NEGR1: variants seen among roughly 807,000 people sequenced by gnomAD.
NEGR1 encodes neuronal growth regulator 1, also known as IgLON family member 4.
A neutral mutation model predicts 40.9 loss-of-function variants in NEGR1; 10 were observed. That is an observed-to-expected ratio of 0.24 (90% CI 0.15 to 0.42). The LOEUF (loss-of-function observed/expected upper bound fraction) is 0.42. Ranked by LOEUF, NEGR1 falls within the 10% of genes least tolerant of loss-of-function variation. The probability of loss-of-function intolerance (pLI) is 1.00; values close to 1 mark genes in which losing one functional copy is unlikely to be tolerated. For missense variants in NEGR1, 352 were observed against 438.9 expected (o/e 0.80, Z 1.77); for synonymous variants, 185 against 166.8 (o/e 1.11, Z -0.84).
At chr1:71,781,508 G>A (rs1656714280) in intron 2 of NEGR1, among the ~76,000 whole-genome samples, 1 of 152,148 alleles carries the variant, frequency 6.6e-6, no homozygotes, top group African/African-American at 2.4e-5. Flanking sequence ...GTCCGTGAAA[G>A]ACCACAGTGC....
intron 1 of NEGR1, among the ~76,000 whole-genome samples, chr1:72,114,244 C>A (rs901426146): frequency 4.0e-5 from 6 of 151,322 alleles, no homozygotes; most frequent in Non-Finnish European, 5.9e-5. Flanking sequence ...TATGGTCAAC[C>A]TCATTCAATG....
intron 3 of NEGR1, among the ~76,000 whole-genome samples, chr1:71,741,459 A>T (rs981441587): frequency 1.3e-5 from 2 of 152,090 alleles, no homozygotes; most frequent in South Asian, 4.1e-4. Flanking sequence ...CAGTTCTTTC[A>T]GGTTGATCTT....
chr1:71,908,249 C>T (rs1383714058), intron 2 of NEGR1, among the ~76,000 whole-genome samples: 1 of 151,852 alleles, frequency 6.6e-6, no homozygotes, highest in Non-Finnish European at 1.5e-5. Flanking sequence ...TGGTTAATCT[C>T]AGCAAAGAGG....
At chr1:71,474,239 A>AT (rs1185902978) in intron 6 of NEGR1, among the ~76,000 whole-genome samples, 1 of 151,900 alleles carries the variant, frequency 6.6e-6, no homozygotes, top group East Asian at 1.9e-4. Context: ...GTTTATTTTC[A>AT]TAAAGTTAAT....
intron 1 of NEGR1, among the ~76,000 whole-genome samples, chr1:71,951,634 C>T (rs1646071357): frequency 6.6e-6 from 1 of 151,702 alleles, no homozygotes; most frequent in Non-Finnish European, 1.5e-5. Context: ...ATCTAGAAGA[C>T]AGAATAAGCA....
chr1:71,871,292 T>C (rs532526623), intron 2 of NEGR1, among the ~76,000 whole-genome samples: 15 of 152,332 alleles, frequency 9.8e-5, no homozygotes, highest in African/African-American at 3.6e-4. Context: ...CTAGTCATTT[T>C]GGAAAGTCTC....
chr1:71,506,255 C>T (rs1647034188), intron 6 of NEGR1, among the ~76,000 whole-genome samples: 1 of 152,146 alleles, frequency 6.6e-6, no homozygotes, highest in African/African-American at 2.4e-5. Flanking sequence ...CTCATTGCAG[C>T]CCTGGTCCTG....
At chr1:71,755,735 G>T (rs1655709932) in intron 3 of NEGR1, among the ~76,000 whole-genome samples, 2 of 152,118 alleles carry the variant, frequency 1.3e-5, no homozygotes, top group South Asian at 4.1e-4. Context: ...TTGTTGTATT[G>T]TTAATGTGTA....
chr1:72,028,675 G>T (rs17092151), intron 1 of NEGR1, among the ~76,000 whole-genome samples: 15,739 of 152,094 alleles, frequency 0.1, 907 homozygotes, highest in Middle Eastern at 0.18. Context: ...TTTTAAATCT[G>T]GAATATGTCT....
intron 1 of NEGR1, among the ~76,000 whole-genome samples, chr1:72,028,396 C>T (rs1646830139): frequency 6.6e-6 from 1 of 152,164 alleles, no homozygotes. Flanking sequence ...TTTAGATAGG[C>T]ATACATAGAA....
chr1:71,764,112 A>G (rs1656041129), intron 3 of NEGR1, among the ~76,000 whole-genome samples: 2 of 152,226 alleles, frequency 1.3e-5, no homozygotes, highest in Non-Finnish European at 2.9e-5. Context: ...GAAGTACTAT[A>G]TAACTATGGA....
At chr1:72,213,815 G>A (rs188112134) in intron 1 of NEGR1, among the ~76,000 whole-genome samples, 21 of 152,070 alleles carry the variant, frequency 1.4e-4, no homozygotes, top group Admixed American at 7.2e-4. Flanking sequence ...CATTCCTTCC[G>A]AAACTATCCC....
intron 1 of NEGR1, among the ~76,000 whole-genome samples, chr1:72,205,204 G>A (rs1281639025): frequency 1.3e-5 from 2 of 152,084 alleles, no homozygotes; most frequent in Admixed American, 6.6e-5. Context: ...GGGTCAACTT[G>A]TAGTGACTAG....
At chr1:71,682,264 C>T (rs937895927) in intron 4 of NEGR1, among the ~76,000 whole-genome samples, 2 of 151,562 alleles carry the variant, frequency 1.3e-5, no homozygotes, top group African/African-American at 4.9e-5. Flanking sequence ...CTTGGAAGTT[C>T]TATGGAGTGG....
chr1:71,443,196 T>A (rs1426171300), intron 6 of NEGR1, among the ~76,000 whole-genome samples: 3 of 152,236 alleles, frequency 2.0e-5, no homozygotes, highest in Non-Finnish European at 1.5e-5. Context: ...TAAATTTTTT[T>A]ATTGCTACAT....
At chr1:71,870,118 G>A (rs1271828798) in intron 2 of NEGR1, among the ~76,000 whole-genome samples, 6 of 152,048 alleles carry the variant, frequency 3.9e-5, no homozygotes, top group Non-Finnish European at 5.9e-5. Flanking sequence ...GACCTCAGGT[G>A]ATCTGCCCAC....
chr1:72,222,469 G>A (rs1172419853), intron 1 of NEGR1, among the ~76,000 whole-genome samples: 1 of 152,086 alleles, frequency 6.6e-6, no homozygotes, highest in Non-Finnish European at 1.5e-5. Flanking sequence ...AACAATCAGA[G>A]TAACATGAAA....
chr1:71,443,397 C>G (rs534945706), intron 6 of NEGR1, among the ~76,000 whole-genome samples: 1 of 152,094 alleles, frequency 6.6e-6, no homozygotes, highest in Non-Finnish European at 1.5e-5. Context: ...CTATCTAATG[C>G]CTTTTACTTT....
intron 1 of NEGR1, among the ~76,000 whole-genome samples, chr1:72,113,312 A>C (rs1223792801): frequency 6.6e-6 from 1 of 151,646 alleles, no homozygotes; most frequent in Non-Finnish European, 1.5e-5. Flanking sequence ...GTGAATGGAG[A>C]CTCAAAATCA....
Sources: gnomAD v4.1 joint callset for allele counts (sites outside exome capture counted in the v4.1 genomes callset) on GRCh38, gnomAD v4.1.1 for gene constraint, MANE v1.5 for transcripts, NCBI Gene and HGNC (gene_info 2026-07-23, HGNC 2026-07-21) for gene names.